ZNF208: variants seen among roughly 807,000 people sequenced by gnomAD.
The protein encoded by ZNF208 is zinc finger protein 95.
ZNF208 carries 10 observed loss-of-function variants against 12.1 expected under a neutral mutation model. The observed-to-expected ratio is 0.83, with a 90% CI of 0.51 to 1.40. The LOEUF (loss-of-function observed/expected upper bound fraction) is 1.40. ZNF208 is among the 40% of genes most tolerant of loss of function. The probability of loss-of-function intolerance (pLI) is 0.00; values close to 1 mark genes in which losing one functional copy is unlikely to be tolerated. For synonymous variants in ZNF208, 497 were observed against 488.4 expected, an observed-to-expected ratio of 1.02 and a Z score of -0.23; for missense variants, 1,652 against 1,485.0, an observed-to-expected ratio of 1.11 and a Z score of -1.85.
intron 1 of ZNF208, among the ~76,000 whole-genome samples, chr19:21,992,282 CAGA>C (rs1970754286): frequency 6.6e-6 from 1 of 152,182 alleles, no homozygotes; most frequent in Non-Finnish European, 1.5e-5. Flanking sequence ...CTGATGCACC[CAGA>C]AGGACGCAGC....
chr19:21,947,512 T>G (rs1340060991), intron 4 of ZNF208, among the ~76,000 whole-genome samples: 1 of 152,152 alleles, frequency 6.6e-6, no homozygotes, highest in Non-Finnish European at 1.5e-5. Context: ...TTGTCAATGC[T>G]CCCTCCAAAA....
At position 21,973,391 on chromosome 19, in the gene ZNF208, G is replaced by A. The variant is rs766143049; in HGVS notation, c.1643C>T (p.Thr548Ile). The stretch of plus-strand genomic sequence containing the variant: ...TTCACATTTGTAGGGTTTCTCTCCA[G>A]TATGAATTACCTTATGTTTAGTAAG... ...SILTKHKVIHTGEKPYKCEEC... is the reference protein window; with the variant it reads ...SILTKHKVIHIGEKPYKCEEC... The change falls in exon 4 of 4, where the codon ACT becomes ATT. Residue 548 changes from threonine to isoleucine, a missense_variant. Physicochemically the swap from Thr to Ile is moderately conservative, Grantham distance 89. This residue lies in a region of ZNF208 where 1,239 missense variants were observed against 1,086.2 expected (regional missense o/e 1.14). Transcript: ENST00000397126. 10 of 1,611,746 alleles carry A rather than the reference G, an allele frequency of 6.2e-6. No individual in the cohort carries two copies. Among genetic ancestry groups the A allele is most frequent in the Non-Finnish European group, 5.9e-6 (7 of 1,179,824 alleles).
At chr19:21,996,605 G>A (rs775228703) in intron 1 of ZNF208, among the ~76,000 whole-genome samples, 1 of 151,960 alleles carries the variant, frequency 6.6e-6, no homozygotes, top group African/African-American at 2.4e-5. Flanking sequence ...TTTAGAATAC[G>A]GAGCTGCAAA....
At chr19:22,002,491 A>G (rs1286909231) in intron 1 of ZNF208, among the ~76,000 whole-genome samples, 2 of 152,132 alleles carry the variant, frequency 1.3e-5, no homozygotes, top group East Asian at 3.9e-4. Context: ...AAACAACTTC[A>G]GTAAAGTCTC....
chr19:21,989,998 A>T (rs1211582234), intron 1 of ZNF208, among the ~76,000 whole-genome samples: 1 of 151,944 alleles, frequency 6.6e-6, no homozygotes, highest in Non-Finnish European at 1.5e-5. Flanking sequence ...TTGTCAGATG[A>T]GTAGTTTGCG....
In ZNF208 at chr19:21,971,358, T is replaced by G. The variant is rs1970278344; in HGVS notation, c.3676A>C (p.Lys1226Gln). 1 of 1,611,518 alleles carries G rather than the reference T, an allele frequency of 6.2e-7. No individual in the cohort carries two copies. Among genetic ancestry groups the G allele is most frequent in the Admixed American group, 1.7e-5 (1 of 59,888 alleles). Reference protein sequence around the residue: ...KKIHTGEKPYKCEECGKAFST... With the variant: ...KKIHTGEKPYQCEECGKAFST... ...AAGGCTTTGCCACATTCTTCACATTTGTAGGGTTTCTCTCCAGTATGAATT... is the reference window on the plus strand; with the variant it reads ...AAGGCTTTGCCACATTCTTCACATTGGTAGGGTTTCTCTCCAGTATGAATT... The change falls in exon 4 of 4, where the codon AAA (lysine) becomes CAA (glutamine). Residue 1226 changes from lysine (K) to glutamine (Q), a missense_variant. Around this residue, in one of 3 missense-constraint regions of ZNF208, gnomAD observed 1,239 missense variants for 1,086.2 expected, o/e 1.14. Coordinates refer to ENST00000397126, the MANE Select transcript of ZNF208 (RefSeq NM_007153.3).
rs185239703 is a variant in ZNF208 at position 21,954,426 on chromosome 19, G to C, written c.305+20303C>G. On this transcript the variant is annotated intron_variant, in intron 4 of 4. Transcript: ENST00000599916. ...GTCTCACTGATCTGTCTAATGTTGAGACTGTGGTGGTAAAGTCTCCCATTA... is the reference window on the plus strand; with the variant it reads ...GTCTCACTGATCTGTCTAATGTTGACACTGTGGTGGTAAAGTCTCCCATTA... Among the ~76,000 whole-genome samples, 89 of 152,212 alleles carry C rather than the reference G, an allele frequency of 5.8e-4. 1 individual carries two copies. Among genetic ancestry groups the C allele is most frequent in the African/African-American group, 2.0e-3 (82 of 41,554 alleles).
At chr19:21,999,721 T>G (rs1025876642) in intron 1 of ZNF208, among the ~76,000 whole-genome samples, 8 of 151,842 alleles carry the variant, frequency 5.3e-5, no homozygotes, top group African/African-American at 1.7e-4. Flanking sequence ...GAATCTCAGG[T>G]CCCAGATAAA....
chr19:21,957,624 T>A (rs1440558121), intron 4 of ZNF208, among the ~76,000 whole-genome samples: 3 of 152,126 alleles, frequency 2.0e-5, no homozygotes, highest in African/African-American at 7.2e-5. Context: ...TATTTAAGGG[T>A]ACAAATCCAT....
At chr19:21,975,155 TTTTTG>T (rs377725090) in intron 3 of ZNF208, among the ~76,000 whole-genome samples, 47 of 152,206 alleles carry the variant, frequency 3.1e-4, no homozygotes, top group African/African-American at 7.7e-4. Context: ...TGTTTGTGTT[TTTTTG>T]TTTTGTTTTG....
Position 21,973,808 on chromosome 19 carries a change from A to T in ZNF208, c.1226T>A (p.Phe409Tyr), listed in dbSNP as rs775370633. Residue 409 changes from phenylalanine to tyrosine, a missense_variant, in exon 4 of 4, where the codon TTC becomes TAC. Phe to Tyr is a conservative substitution (Grantham distance 22, BLOSUM62 3). Around this residue, in one of 3 missense-constraint regions of ZNF208, gnomAD observed 1,239 missense variants for 1,086.2 expected, o/e 1.14. Transcript: ENST00000397126. Reference sequence around the variant, plus strand: ...GACCTCATGTTTAGTAAGGATTGAGAACATACTAAAACCTTTGCCACATTC... The same window carrying T: ...GACCTCATGTTTAGTAAGGATTGAGTACATACTAAAACCTTTGCCACATTC... ...CEECGKGFSM[F>Y]SILTKHEVIH... The T allele has an allele frequency of 3.7e-6, 6 of 1,604,852 alleles. No homozygotes were observed. In the Admixed American group the frequency reaches 6.7e-5, roughly 18 times the overall value.
intron 4 of ZNF208, among the ~76,000 whole-genome samples, chr19:21,947,008 T>C (rs1444582140): frequency 6.6e-6 from 1 of 152,080 alleles, no homozygotes; most frequent in African/African-American, 2.4e-5. Flanking sequence ...TTTCTCCTAT[T>C]CATTCTTTGT....
At chr19:21,998,990 A>G (rs1199529682) in intron 1 of ZNF208, 1 of 148,494 alleles carries the variant, frequency 6.7e-6, no homozygotes, top group Non-Finnish European at 1.5e-5. Flanking sequence ...TTGGTAAAAT[A>G]TATGACACTA....
downstream of ZNF208, among the ~76,000 whole-genome samples, chr19:21,962,071 G>C (rs566572663): frequency 6.6e-6 from 1 of 152,138 alleles, no homozygotes; most frequent in African/African-American, 2.4e-5. Context: ...CACAATTGAT[G>C]TTCAGAGATT....
intron 4 of ZNF208, among the ~76,000 whole-genome samples, chr19:21,950,004 C>T (rs1969866292): frequency 6.6e-6 from 1 of 152,160 alleles, no homozygotes; most frequent in Middle Eastern, 3.2e-3. Context: ...CACTTTCTCC[C>T]AGAGGAAACT....
intron 1 of ZNF208, among the ~76,000 whole-genome samples, chr19:22,006,033 T>A (rs1280228125): frequency 6.6e-6 from 1 of 152,172 alleles, no homozygotes; most frequent in Non-Finnish European, 1.5e-5. Context: ...GTGGTCAACA[T>A]AAAATACCTT....
chr19:21,988,168 A>C (rs1970658788), intron 2 of ZNF208, among the ~76,000 whole-genome samples: 1 of 152,182 alleles, frequency 6.6e-6, no homozygotes, highest in South Asian at 2.1e-4. Flanking sequence ...AGATCAGCTC[A>C]AGAATGTGGT....
At chr19:21,987,153 G>A in intron 3 of ZNF208, 63 bp downstream of exon 3, 1 of 1,525,994 alleles carries the variant, frequency 6.6e-7, no homozygotes, top group African/African-American at 1.4e-5. Flanking sequence ...ATCACTTTAA[G>A]GACTGGCTTC....
In ZNF208 at chr19:21,971,638, C is replaced by T; in HGVS notation, c.3396G>A (p.Lys1132=). 6.2e-7 allele frequency: 1 copy of T among 1,613,194 alleles called. No individual in the cohort carries two copies. Among genetic ancestry groups the T allele is most frequent in the Non-Finnish European group, 8.5e-7 (1 of 1,179,944 alleles). The change falls in exon 4 of 4, where the codon AAG becomes AAA. Residue 1132 remains lysine, a synonymous_variant. Transcript: ENST00000397126. ...FSTFSILTKH[K]VIHTGEKPYK... ...AGGGTTTCTCTCCAGTATGAATTAC[C>T]TTATGTTTAGTAAGGATTGAGAACG...
Sources: allele counts gnomAD v4.1 joint callset (sites outside exome capture counted in the v4.1 genomes callset), GRCh38; gene constraint gnomAD v4.1.1; regional missense constraint gnomAD v4.1.1; transcripts MANE v1.5; gene names NCBI Gene and HGNC (gene_info 2026-07-23, HGNC 2026-07-21).